The following ABHD12 variants were observed in gnomAD, a reference collection of about 807,000 sequenced individuals.
ABHD12 encodes the protein lysophosphatidylserine lipase ABHD12.
In ABHD12, 43 loss-of-function variants were observed where a neutral mutation model predicts 58.3. The observed-to-expected ratio is 0.74, with a 90% CI of 0.58 to 0.95. ABHD12 has a LOEUF of 0.95. ABHD12 is among the 40% of genes least tolerant of loss of function. The probability of loss-of-function intolerance (pLI) is 0.00; values close to 1 mark genes in which losing one functional copy is unlikely to be tolerated. For synonymous variants in ABHD12, 219 were observed against 211.2 expected, an observed-to-expected ratio of 1.04 and a Z score of -0.32; for missense variants, 539 against 537.2, an observed-to-expected ratio of 1.00 and a Z score of -0.03.
intron 6 of ABHD12, among the ~76,000 whole-genome samples, chr20:25,311,766 A>G (rs939433645): frequency 1.3e-5 from 2 of 152,132 alleles, no homozygotes; most frequent in African/African-American, 4.8e-5. Flanking sequence ...GTGCGGTGGC[A>G]TGATCTTGGC....
intron 7 of ABHD12, among the ~76,000 whole-genome samples, chr20:25,308,811 C>A (rs2088795457): frequency 6.6e-6 from 1 of 152,222 alleles, no homozygotes; most frequent in Non-Finnish European, 1.5e-5. Flanking sequence ...TCTGCCTGCA[C>A]CTCTCCTGGA....
rs116904587 is a variant in ABHD12, at chr20:25,364,989, G to A, written c.191+25524C>T. ...CATGGGAATGGCTGCCTAGCTGGGGGCTACATTTCCCAGCTCAACATGGAG... is the reference window on the plus strand; with the variant it reads ...CATGGGAATGGCTGCCTAGCTGGGGACTACATTTCCCAGCTCAACATGGAG... On this transcript the variant is annotated intron_variant, in intron 1 of 12. Transcript: ENST00000339157. 8.1e-4 allele frequency among the ~76,000 whole-genome samples: 123 copies of A among 152,268 alleles called. 3 individuals are homozygous for A. In the East Asian group the frequency reaches 0.022, roughly 28 times the overall value.
At chr20:25,348,842 G>A (rs1458312102) in intron 1 of ABHD12, among the ~76,000 whole-genome samples, 2 of 152,058 alleles carry the variant, frequency 1.3e-5, no homozygotes, top group African/African-American at 4.8e-5. Flanking sequence ...CAGCACTTTG[G>A]GAGGCCGAGA....
intron 2 of ABHD12, 88 bp downstream of exon 2, chr20:25,339,139 A>T: frequency 1.9e-6 from 3 of 1,571,226 alleles, no homozygotes; most frequent in Non-Finnish European, 2.6e-6. Context: ...ATCTCCATTA[A>T]AGTAAAAAGA....
At position 25,388,077 on chromosome 20, in the gene ABHD12, C is replaced by CAA. The variant is rs71183396; in HGVS notation, c.191+2434_191+2435dup. ...AAAAAAAATCCAATCCTTCATCCTA[C>CAA]AAAAAAAAAGAGAAGAGGGATGGAT... On this transcript the variant is annotated intron_variant, in intron 1 of 12. Coordinates refer to ENST00000339157, the MANE Select transcript of ABHD12 (RefSeq NM_001042472.3). 1.4e-3 allele frequency among the ~76,000 whole-genome samples: 196 copies of CAA among 142,492 alleles called. 1 individual carries two copies. The Middle Eastern group carries it at 0.029, about 21-fold the overall frequency. 93.5% of individuals were successfully genotyped at this position (142,492 alleles called of 152,430 possible).
chr20:25,302,166 T>C (rs1375904038), intron 12 of ABHD12, 53 bp downstream of exon 12: 5 of 1,610,864 alleles, frequency 3.1e-6, no homozygotes, highest in Non-Finnish European at 4.2e-6. Context: ...GCACGTTAGG[T>C]GTGAGCCAGT....
At chr20:25,370,445 C>T (rs2089885864) in intron 1 of ABHD12, among the ~76,000 whole-genome samples, 1 of 152,196 alleles carries the variant, frequency 6.6e-6, no homozygotes, top group African/African-American at 2.4e-5. Context: ...GGCACAGCCG[C>T]AGAGTCACCA....
At chr20:25,323,812 GC>G (rs1161817089) in intron 2 of ABHD12, among the ~76,000 whole-genome samples, 4 of 152,234 alleles carry the variant, frequency 2.6e-5, no homozygotes, top group Non-Finnish European at 5.9e-5. Context: ...GGATGGGCCA[GC>G]CAGGAGGGAG....
exon 13 of ABHD12, chr20:25,294,930 T>A (rs1372380262): frequency 6.7e-7 from 1 of 1,503,032 alleles, no homozygotes; most frequent in Non-Finnish European, 9.2e-7. Context: ...AGTTTTAGTT[T>A]TGTCTGCTGC....
At chr20:25,381,823 A>G (rs534020367) in intron 1 of ABHD12, among the ~76,000 whole-genome samples, 3 of 152,002 alleles carry the variant, frequency 2.0e-5, no homozygotes, top group Admixed American at 6.6e-5. Flanking sequence ...TCACCTGGCT[A>G]ATTTTTGTCT....
chr20:25,345,595 T>C (rs1291546136), intron 1 of ABHD12, among the ~76,000 whole-genome samples: 1 of 152,060 alleles, frequency 6.6e-6, no homozygotes, highest in Non-Finnish European at 1.5e-5. Context: ...TCTTAAAACT[T>C]GATAAGAAAA....
At chr20:25,371,648 G>A (rs948419958) in intron 1 of ABHD12, among the ~76,000 whole-genome samples, 3 of 152,172 alleles carry the variant, frequency 2.0e-5, no homozygotes, top group Non-Finnish European at 4.4e-5. Flanking sequence ...AAAGGCCACT[G>A]TCTCAGGGTT....
intron 7 of ABHD12, among the ~76,000 whole-genome samples, chr20:25,309,186 G>T (rs867808018): frequency 2.6e-5 from 4 of 152,128 alleles, no homozygotes; most frequent in Admixed American, 2.0e-4. Flanking sequence ...TTCTTCCTCA[G>T]AGCCAAGTCT....
chr20:25,298,228 G>A (rs1027714998), downstream of ABHD12, among the ~76,000 whole-genome samples: 2 of 152,076 alleles, frequency 1.3e-5, no homozygotes, highest in Non-Finnish European at 1.5e-5. Context: ...TCTCCACTAG[G>A]TGTGGAACCC....
At chr20:25,336,926 G>C (rs138656819) in intron 2 of ABHD12, among the ~76,000 whole-genome samples, 2 of 152,194 alleles carry the variant, frequency 1.3e-5, no homozygotes, top group African/African-American at 4.8e-5. Flanking sequence ...CAGGGACACT[G>C]TTTCTTGGTG....
At chr20:25,340,321 T>G (rs2089438808) in intron 1 of ABHD12, among the ~76,000 whole-genome samples, 1 of 152,234 alleles carries the variant, frequency 6.6e-6, no homozygotes, top group Admixed American at 6.5e-5. Flanking sequence ...AAAAAAAATT[T>G]TAGTGAGGAG....
At chr20:25,375,248 T>G (rs2089948259) in intron 1 of ABHD12, among the ~76,000 whole-genome samples, 2 of 152,228 alleles carry the variant, frequency 1.3e-5, no homozygotes, top group African/African-American at 2.4e-5. Flanking sequence ...ACTTCTGCCA[T>G]TTAAGTCACC....
intron 2 of ABHD12, among the ~76,000 whole-genome samples, chr20:25,338,150 C>G (rs2089403231): frequency 6.6e-6 from 1 of 152,150 alleles, no homozygotes; most frequent in African/African-American, 2.4e-5. Flanking sequence ...AACTCATAAG[C>G]CCAGATGCCT....
At chr20:25,374,481 C>A (rs888020153) in intron 1 of ABHD12, among the ~76,000 whole-genome samples, 1 of 152,100 alleles carries the variant, frequency 6.6e-6, no homozygotes, top group Non-Finnish European at 1.5e-5. Context: ...ATATGGAATA[C>A]AATTACAGTA....
Sources: gnomAD v4.1 joint callset for allele counts (sites outside exome capture counted in the v4.1 genomes callset) on GRCh38, gnomAD v4.1.1 for gene constraint, MANE v1.5 for transcripts, NCBI Gene and HGNC (gene_info 2026-07-23, HGNC 2026-07-21) for gene names.